The following SERAC1 variants were observed in gnomAD, a reference collection of about 807,000 sequenced individuals.
SERAC1 encodes the protein serine active site containing 1.
SERAC1 carries 36 observed loss-of-function variants against 85.7 expected under a neutral mutation model. The observed-to-expected ratio is 0.42, with a 90% confidence interval of 0.32 to 0.55. The LOEUF (loss-of-function observed/expected upper bound fraction) is 0.55. Among genes scored for constraint, SERAC1 ranks in the 20% least tolerant of loss-of-function variants. SERAC1 has a pLI of 0.11. For missense variants in SERAC1, 629 were observed against 796.2 expected, an observed-to-expected ratio of 0.79 and a Z score of 2.53; for synonymous variants, 242 against 265.3, an observed-to-expected ratio of 0.91 and a Z score of 0.85.
At chr6:158,116,374 G>A in intron 13 of SERAC1, 92 bp from the exon 14 acceptor site, 1 of 891,860 alleles carries the variant, frequency 1.1e-6, no homozygotes, top group Non-Finnish European at 1.8e-6. Context: ...TTAGTCTACA[G>A]GACCAATGCT....
chr6:158,165,852 A>G (rs574969220), intron 1 of SERAC1, among the ~76,000 whole-genome samples: 1 of 152,282 alleles, frequency 6.6e-6, no homozygotes, highest in East Asian at 1.9e-4. Flanking sequence ...TGTCTAGTTC[A>G]AGCCAACATC....
At chr6:158,138,479 C>T (rs1784846453) in intron 8 of SERAC1, among the ~76,000 whole-genome samples, 1 of 137,282 alleles carries the variant, frequency 7.3e-6, no homozygotes, top group Admixed American at 7.1e-5. Flanking sequence ...GGTATTAAAC[C>T]ACTTTCCCTC....
rs937543773 is a variant in SERAC1 at position 158,114,907 on chromosome 6, G to A, written c.1566C>T (p.Asn522=). Residue 522 remains asparagine, a synonymous_variant, in exon 15 of 17, where the codon AAC becomes AAT. Transcript: ENST00000647468. ...TATAAAAAATTATTCCTCTGGTATTGTTGATAACAGTACTCATTTCTGGCT... is the reference window on the plus strand; with the variant it reads ...TATAAAAAATTATTCCTCTGGTATTATTGATAACAGTACTCATTTCTGGCT... ...STKPEMSTVI[N]NTRGIIFYSV... 16 of 1,613,828 alleles carry A rather than the reference G, an allele frequency of 9.9e-6. No homozygotes were observed. Among genetic ancestry groups the A allele is most frequent in the Non-Finnish European group, 1.4e-5 (16 of 1,179,846 alleles).
At chr6:158,115,350 G>C (rs2128410796) in intron 14 of SERAC1, among the ~76,000 whole-genome samples, 1 of 152,274 alleles carries the variant, frequency 6.6e-6, no homozygotes, top group South Asian at 2.1e-4. Context: ...ACACTGTCAG[G>C]ACAGTGCTAC....
At chr6:158,113,358 T>G in intron 16 of SERAC1, 91 bp downstream of exon 16, 1 of 1,029,212 alleles carries the variant, frequency 9.7e-7, no homozygotes, top group South Asian at 1.5e-5. Context: ...CTCTTAAAAC[T>G]GAGAACCTGG....
intron 7 of SERAC1, 151 bp from the exon 8 acceptor site, chr6:158,143,335 CTCTCTCTCTCTCTATATATA>C (rs1415913412): frequency 1.6e-3 from 220 of 134,954 alleles, no homozygotes; most frequent in African/African-American, 6.3e-3. Context: ...CTCTCTCTCT[CTCTCTCTCTCTCTATATATA>C]TATATATATA....
intron 1 of SERAC1, 142 bp from the exon 2 acceptor site, chr6:158,158,506 A>T (rs199784681): frequency 4.8e-6 from 1 of 206,482 alleles, no homozygotes; most frequent in Non-Finnish European, 8.1e-6. Flanking sequence ...CTTTCCAATT[A>T]AAAAAAAAAT....
intron 8 of SERAC1, 58 bp downstream of exon 8, chr6:158,142,998 A>T: frequency 1.4e-6 from 2 of 1,390,284 alleles, no homozygotes; most frequent in Admixed American, 3.7e-5. Context: ...CCACTGACAC[A>T]ATACATTGGA....
intron 3 of SERAC1, among the ~76,000 whole-genome samples, chr6:158,153,903 G>A (rs1785263132): frequency 1.3e-5 from 2 of 151,980 alleles, no homozygotes; most frequent in Non-Finnish European, 2.9e-5. Context: ...GGCCAAGACG[G>A]GCAGATCACC....
rs777082369 is a variant in SERAC1 at position 158,158,257 on chromosome 6, T to C, written c.91+16A>G. On this transcript the variant is annotated intron_variant, in intron 2 of 16. Coordinates refer to ENST00000647468, the MANE Select transcript of SERAC1 (RefSeq NM_032861.4). ...TGTTCCTATAAGAAAATAAGAGTTG[T>C]TTAAGCTGTACTCACTGATATCTCT... The C allele has an allele frequency of 1.3e-6, 2 of 1,567,798 alleles. 1 individual carries two copies. The highest frequency in any genetic ancestry group is 2.3e-5 in the South Asian group (2 of 88,196).
Position 158,111,252 on chromosome 6 carries a change from C to T in SERAC1, c.*114G>A, listed in dbSNP as rs371513597. The T allele has an allele frequency of 9.8e-7, 1 of 1,019,898 alleles. No homozygotes were observed. The allele number at this position is 1,019,898 out of a possible 1,614,324, so 63.2% of individuals were successfully genotyped here. A position where few individuals can be genotyped will look rare whatever the true frequency, so the allele number is the denominator to read the frequency against. ...CTGTAGTCTGCAACACACTCCAGACCATGTTGACGCTATGATCACTATGTT... is the reference window on the plus strand; with the variant it reads ...CTGTAGTCTGCAACACACTCCAGACTATGTTGACGCTATGATCACTATGTT... On this transcript the variant is annotated 3_prime_UTR_variant, in exon 17 of 17. Transcript: ENST00000647468.
chr6:158,143,234 C>A (rs1488083121), intron 7 of SERAC1, 50 bp from the exon 8 acceptor site: 2 of 1,572,758 alleles, frequency 1.3e-6, no homozygotes, highest in Non-Finnish European at 1.7e-6. Flanking sequence ...CAACTGAGTA[C>A]AACAAAAAAT....
chr6:158,132,041 G>A (rs1784690834), intron 8 of SERAC1, among the ~76,000 whole-genome samples: 1 of 152,144 alleles, frequency 6.6e-6, no homozygotes, highest in Non-Finnish European at 1.5e-5. Flanking sequence ...AGGAGAGATG[G>A]AAGGAATGGA....
rs1785131723 is a variant in SERAC1, at chr6:158,148,800, G to T, written c.355+65C>A. ...GTATAAGAAATGAAAAAAAGTATCA[G>T]GTTGATCATTCCAATGACTTTCAGA... On this transcript the variant is annotated intron_variant, in intron 5 of 16. Transcript: ENST00000647468. 5.1e-5 allele frequency: 59 copies of T among 1,156,962 alleles called. 1 individual carries two copies. In the South Asian group the frequency reaches 8.3e-4, roughly 16 times the overall value. The allele number at this position is 1,156,962 out of a possible 1,614,324, so 71.7% of individuals were successfully genotyped here.
At chr6:158,146,542 G>T (rs1461503248) in intron 6 of SERAC1, 40 of 325,696 alleles carry the variant, frequency 1.2e-4, no homozygotes, top group Middle Eastern at 1.0e-3. Flanking sequence ...TCGAGTAGCT[G>T]GGACTACAGA....
At chr6:158,136,619 T>C (rs1784799969) in intron 8 of SERAC1, among the ~76,000 whole-genome samples, 1 of 152,100 alleles carries the variant, frequency 6.6e-6, no homozygotes, top group Non-Finnish European at 1.5e-5. Context: ...CTCAGCCTCC[T>C]CAGTAGCTGG....
chr6:158,118,170 C>A (rs1784335869), intron 12 of SERAC1, among the ~76,000 whole-genome samples: 1 of 152,174 alleles, frequency 6.6e-6, no homozygotes, highest in Non-Finnish European at 1.5e-5. Flanking sequence ...CATAGTCTGA[C>A]AGATTTTGGA....
At chr6:158,156,731 A>ATC (rs1191941098) in intron 2 of SERAC1, among the ~76,000 whole-genome samples, 2 of 142,098 alleles carry the variant, frequency 1.4e-5, no homozygotes, top group East Asian at 3.9e-4. Context: ...ATCTTTATAT[A>ATC]TATATAAATA....
Position 158,113,437 on chromosome 6 carries a change from A to C in SERAC1, c.1828+12T>G. On this transcript the variant is annotated intron_variant, in intron 16 of 16. Transcript: ENST00000647468. The stretch of plus-strand genomic sequence containing the variant: ...GCATCTAACAGCCAACAAGTTTCAA[A>C]AGAGTGAATACCTGCTGATTCCACA... 1 of 1,603,936 alleles carries C rather than the reference A, an allele frequency of 6.2e-7. No homozygotes were observed. The highest frequency in any genetic ancestry group is 8.5e-7 in the Non-Finnish European group (1 of 1,173,268).
Sources: allele counts gnomAD v4.1 joint callset (sites outside exome capture counted in the v4.1 genomes callset), GRCh38; gene constraint gnomAD v4.1.1; transcripts MANE v1.5; gene names NCBI Gene and HGNC (gene_info 2026-07-23, HGNC 2026-07-21).